Variants in CFH observed in about 807,000 individuals in gnomAD.
CFH encodes H factor 1 (complement).
A neutral mutation model predicts 147.3 loss-of-function variants in CFH; 53 were observed. That is an observed-to-expected ratio of 0.36 (90% CI 0.29 to 0.45). The LOEUF (loss-of-function observed/expected upper bound fraction) is 0.45, where lower values mean the gene tolerates loss of function less well. Ranked by LOEUF, CFH falls within the 20% of genes least tolerant of loss-of-function variation. The pLI is 1.00. For missense variants in CFH, 1,380 were observed against 1,498.0 expected (o/e 0.92, Z 1.30); for synonymous variants, 536 against 489.4 (o/e 1.10, Z -1.26).
chr1:196,653,301 T>C (rs1666567985), intron 1 of CFH, among the ~76,000 whole-genome samples: 1 of 151,800 alleles, frequency 6.6e-6, no homozygotes, highest in Non-Finnish European at 1.5e-5. Flanking sequence ...ATGTAGCCAC[T>C]TTTTAAATGA....
chr1:196,705,258 A>C (rs898869900), intron 9 of CFH, among the ~76,000 whole-genome samples: 1 of 152,096 alleles, frequency 6.6e-6, no homozygotes, highest in Non-Finnish European at 1.5e-5. Flanking sequence ...ACAAATATTG[A>C]AAAACTCAAT....
intron 9 of CFH, among the ~76,000 whole-genome samples, chr1:196,696,515 T>C (rs1668277540): frequency 6.6e-6 from 1 of 152,214 alleles, no homozygotes; most frequent in Non-Finnish European, 1.5e-5. Flanking sequence ...GTGGGAAAGA[T>C]CTAAACTTGA....
chr1:196,668,389 A>T (rs1274098406), intron 1 of CFH, among the ~76,000 whole-genome samples: 2 of 152,204 alleles, frequency 1.3e-5, no homozygotes, highest in Non-Finnish European at 2.9e-5. Context: ...AGACATATAT[A>T]TTCAGACTTC....
In CFH at chr1:196,714,865, T is replaced by G. The variant is rs538312056; in HGVS notation, c.1520-728T>G. Among the ~76,000 whole-genome samples the G allele has an allele frequency of 4.0e-5, 6 of 150,832 alleles. No homozygotes were observed. The East Asian group carries it at 7.8e-4, about 20-fold the overall frequency. ...ACAGGCACCCTCCATCATGCCTGCCTAATTTTCGTATTTTTAATAGAGACA... is the reference window on the plus strand; with the variant it reads ...ACAGGCACCCTCCATCATGCCTGCCGAATTTTCGTATTTTTAATAGAGACA... On this transcript the variant is annotated intron_variant, in intron 10 of 21. Coordinates refer to ENST00000367429, the MANE Select transcript of CFH (RefSeq NM_000186.4).
In CFH at chr1:196,747,260, C is replaced by G. The variant is rs121913051; in HGVS notation, c.3643C>G (p.Arg1215Gly). 6.2e-7 allele frequency: 1 copy of G among 1,613,908 alleles called. No individual in the cohort carries two copies. Among genetic ancestry groups the G allele is most frequent in the Admixed American group, 1.7e-5 (1 of 60,016 alleles). ...TCTTTCATCACGTTCTCACACATTGCGAACAACATGTTGGGATGGGAAACT... is the reference window on the plus strand; with the variant it reads ...TCTTTCATCACGTTCTCACACATTGGGAACAACATGTTGGGATGGGAAACT... ...YRLSSRSHTLRTTCWDGKLEY... is the reference protein window; with the variant it reads ...YRLSSRSHTLGTTCWDGKLEY... The change falls in exon 22 of 22, where the codon CGA becomes GGA. Residue 1215 changes from arginine to glycine, a missense_variant. Arg to Gly is a moderately radical substitution (Grantham distance 125). Coordinates refer to ENST00000367429, the MANE Select transcript of CFH (RefSeq NM_000186.4).
rs186392099 is a variant in CFH at position 196,714,943 on chromosome 1, C to T, written c.1520-650C>T. ...CTCGAACTCTTAATCTCAAATGATC[C>T]TCCTGCCTCTCAGTAATATATTTGA... On this transcript the variant is annotated intron_variant, in intron 10 of 21. Coordinates refer to ENST00000367429, the MANE Select transcript of CFH (RefSeq NM_000186.4). 2.3e-3 allele frequency among the ~76,000 whole-genome samples: 342 copies of T among 151,472 alleles called. 3 individuals carry two copies. Among genetic ancestry groups the T allele is most frequent in the African/African-American group, 7.7e-3 (320 of 41,360 alleles).
rs1176351357 is a variant in CFH at position 196,714,635 on chromosome 1, GTATATATATATATA to G, written c.1519+739_1519+752del. Reference sequence around the variant, plus strand: ...TGTGTGTGTGTGTATACGTATATATGTATATATATATATATATATATATATATATATATAGAGAG... The same window carrying G: ...TGTGTGTGTGTGTATACGTATATATGTATATATATATATATATATAGAGAG... On this transcript the variant is annotated intron_variant, in intron 10 of 21. Coordinates refer to ENST00000367429, the MANE Select transcript of CFH (RefSeq NM_000186.4). Among the ~76,000 whole-genome samples, 39 of 24,918 alleles carry G rather than the reference GTATATATATATATA, an allele frequency of 1.6e-3. 2 individuals carry two copies. Among genetic ancestry groups the G allele is most frequent in the African/African-American group, 4.7e-3 (28 of 5,994 alleles). The allele number at this position is 24,918 out of a possible 152,430, so 16.3% of individuals were successfully genotyped here.
intron 9 of CFH, among the ~76,000 whole-genome samples, chr1:196,699,749 T>C (rs1668395193): frequency 6.6e-6 from 1 of 152,188 alleles, no homozygotes; most frequent in African/African-American, 2.4e-5. Flanking sequence ...AAAGACTATG[T>C]TTTCTTTATT....
chr1:196,714,703 A>AGAGAGAGAGG (rs1668824342), intron 10 of CFH, among the ~76,000 whole-genome samples: 1 of 128,822 alleles, frequency 7.8e-6, no homozygotes. Context: ...AGAGAGAGAG[A>AGAGAGAGAGG]GAGAGAGAGA....
Position 196,737,628 on chromosome 1 carries a change from T to C in CFH, c.2750T>C (p.Met917Thr). ...GAAGAAAATGAAACAACATGCTACA[T>C]GGGAAAATGGAGTTCTCCACCTCAG... ...ISEENETTCY[M>T]GKWSSPPQCE... is the part of the protein sequence containing the mutation. The change falls in exon 17 of 22, where the codon ATG (methionine) becomes ACG (threonine). Residue 917 changes from methionine to threonine, a missense_variant. Around this residue, in one of 4 missense-constraint regions of CFH, gnomAD observed 830 missense variants for 821.4 expected, o/e 1.01. Transcript: ENST00000367429. The C allele has an allele frequency of 6.2e-7, 1 of 1,613,448 alleles. No homozygotes were observed. Among genetic ancestry groups the C allele is most frequent in the Non-Finnish European group, 8.5e-7 (1 of 1,179,600 alleles).
At chr1:196,742,102 C>G (rs1348108437) in intron 19 of CFH, 51 bp downstream of exon 19, 21 of 1,570,920 alleles carry the variant, frequency 1.3e-5, no homozygotes, top group Non-Finnish European at 1.8e-5. Context: ...GGGCCCAGCC[C>G]AGTGGCTGGC....
chr1:196,741,668 T>G (rs965225025), intron 18 of CFH: 1 of 554,632 alleles, frequency 1.8e-6, no homozygotes, highest in Non-Finnish European at 3.2e-6. Flanking sequence ...AGTCTTCTAA[T>G]ATCATTTCTA....
In CFH at chr1:196,673,926, A is replaced by T. The variant is rs755264621; in HGVS notation, c.314A>T (p.Glu105Val). Residue 105 changes from glutamate (E) to valine (V), a missense_variant, in exon 3 of 22, where the codon GAA (glutamate) becomes GTA (valine). Around this residue, in one of 4 missense-constraint regions of CFH, gnomAD observed 260 missense variants for 263.3 expected, o/e 0.99. Coordinates refer to ENST00000367429, the MANE Select transcript of CFH (RefSeq NM_000186.4). ...ACCCTTACAGGAGGAAATGTGTTTG[A>T]ATATGGTGTAAAAGCTGTGTATACA... ...TFTLTGGNVF[E>V]YGVKAVYTCN... 3 of 1,613,364 alleles carry T rather than the reference A, an allele frequency of 1.9e-6. No homozygotes were observed. The highest frequency in any genetic ancestry group is 2.5e-6 in the Non-Finnish European group (3 of 1,179,498).
chr1:196,662,684 C>T lies in CFH; in HGVS notation c.59-10294C>T, dbSNP rs933138977. 2.0e-5 allele frequency among the ~76,000 whole-genome samples: 3 copies of T among 151,924 alleles called. No individual in the cohort carries two copies. The South Asian group carries it at 6.2e-4, about 31-fold the overall frequency. On this transcript the variant is annotated intron_variant, in intron 1 of 21. Transcript: ENST00000367429. ...ATTGCTTGAGCCCAGGAGTTTGAGA[C>T]CAGCCTGGGCAAAACGGCAAAACCT...
In CFH at chr1:196,702,779, T is replaced by C. The variant is rs12565418; in HGVS notation, c.1337-10956T>C. 1.7e-4 allele frequency among the ~76,000 whole-genome samples: 26 copies of C among 152,266 alleles called. No individual in the cohort carries two copies. In the East Asian group the frequency reaches 5.0e-3, roughly 29 times the overall value. ...TGGGATGGAATATAAACACTGGAGA[T>C]AGATCTAACCTTGAACACTATCAAA... On this transcript the variant is annotated intron_variant, in intron 9 of 21. Transcript: ENST00000367429.
rs747422670 is a variant in CFH, at chr1:196,728,533, A to T, written c.2413+11A>T. On this transcript the variant is annotated intron_variant, in intron 15 of 21. Coordinates refer to ENST00000367429, the MANE Select transcript of CFH (RefSeq NM_000186.4). ...AAGTGAACTGCTCAAGTAAGCTCTT[A>T]TTTTGTTTTCAGAAATGTATTCTAT... The T allele has an allele frequency of 1.9e-6, 3 of 1,611,782 alleles. No individual in the cohort carries two copies. Among genetic ancestry groups the T allele is most frequent in the Admixed American group, 1.7e-5 (1 of 59,900 alleles).
rs1258420173 is a variant in CFH, at chr1:196,685,255, C to A, written c.964+18C>A. The A allele has an allele frequency of 5.6e-6, 9 of 1,611,570 alleles. No homozygotes were observed. Among genetic ancestry groups the A allele is most frequent in the African/African-American group, 5.3e-5 (4 of 74,814 alleles). ...ATGTACCTGTAAGTTCCATTCATAT[C>A]TTGACCCATTTCTTAATTCTGAAAT... On this transcript the variant is annotated intron_variant, in intron 7 of 21. Coordinates refer to ENST00000367429, the MANE Select transcript of CFH (RefSeq NM_000186.4).
intron 4 of CFH, 50 bp downstream of exon 4, chr1:196,676,115 T>A: frequency 8.7e-7 from 1 of 1,154,378 alleles, no homozygotes; most frequent in Non-Finnish European, 1.3e-6. Context: ...ATCTAAGATT[T>A]AAAAAAAGTC....
At chr1:196,745,179 C>A (rs1317672736) in intron 20 of CFH, among the ~76,000 whole-genome samples, 1 of 152,020 alleles carries the variant, frequency 6.6e-6, no homozygotes, top group African/African-American at 2.4e-5. Context: ...GGAGTTCACT[C>A]AGCTTCTTAA....
Sources: gnomAD v4.1 joint callset for allele counts (sites outside exome capture counted in the v4.1 genomes callset) on GRCh38, gnomAD v4.1.1 for gene constraint, gnomAD v4.1.1 regional missense constraint, MANE v1.5 for transcripts, NCBI Gene and HGNC (gene_info 2026-07-23, HGNC 2026-07-21) for gene names.